The following SDK2 variants were observed in gnomAD, a reference collection of about 807,000 sequenced individuals.
SDK2 encodes the protein protein sidekick-2.
Under a neutral mutation model 253.9 loss-of-function variants are expected in SDK2, and 105 were observed. That is an observed-to-expected ratio of 0.41 (90% confidence interval 0.35 to 0.49). The LOEUF (loss-of-function observed/expected upper bound fraction) is 0.49. Among genes scored for constraint, SDK2 ranks in the 20% least tolerant of loss-of-function variants. The pLI is 0.06. For missense variants in SDK2, 2,608 were observed against 3,003.0 expected (o/e 0.87, Z 3.07); for synonymous variants, 1,249 against 1,234.9 (o/e 1.01, Z -0.24).
intron 2 of SDK2, among the ~76,000 whole-genome samples, chr17:73,480,932 G>T (rs565916906): frequency 6.6e-6 from 1 of 152,202 alleles, no homozygotes; most frequent in Non-Finnish European, 1.5e-5. Context: ...AGCAGTTTCT[G>T]TCCTGTGCTG....
chr17:73,412,034 ACG>A (rs1255729864), intron 18 of SDK2, among the ~76,000 whole-genome samples: 93 of 5,632 alleles, frequency 0.017, no homozygotes, highest in Non-Finnish European at 0.025. Context: ...ATGTATATAT[ACG>A]TATATATATG....
intron 40 of SDK2, 166 bp downstream of exon 40, chr17:73,357,912 GC>G (rs1568364207): frequency 9.6e-7 from 1 of 1,045,790 alleles, no homozygotes; most frequent in Non-Finnish European, 1.5e-6. Context: ...AGCTCTAGGA[GC>G]CCCCCAACCC....
rs2145711376 is a variant in SDK2 at position 73,481,373 on chromosome 17, G to A, written c.225-9155C>T. On this transcript the variant is annotated intron_variant, in intron 2 of 44. Coordinates refer to ENST00000392650, the MANE Select transcript of SDK2 (RefSeq NM_001144952.2). The surrounding 1 kb of genome is among the most constrained non-coding windows in gnomAD (Gnocchi z 4.5). ...GAGGAACCCCTGACTCTGATGTGAT[G>A]GTTAATTTTAGGTGTCAACTTGACT... Among the ~76,000 whole-genome samples the A allele has an allele frequency of 6.6e-6, 1 of 152,312 alleles. No individual in the cohort carries two copies. The highest frequency in any genetic ancestry group is 1.5e-5 in the Non-Finnish European group (1 of 68,022).
intron 37 of SDK2, among the ~76,000 whole-genome samples, chr17:73,368,155 G>A (rs561780515): frequency 2.0e-5 from 3 of 152,274 alleles, no homozygotes; most frequent in Non-Finnish European, 2.9e-5. Context: ...TCTGCAAGGC[G>A]GGGCAAACGG....
Position 73,447,927 on chromosome 17 carries a change from T to G in SDK2, c.480-179A>C, listed in dbSNP as rs1407657412. On this transcript the variant is annotated intron_variant, in intron 4 of 44. Transcript: ENST00000392650. The surrounding 1 kb of genome is among the most constrained non-coding windows in gnomAD (Gnocchi z 4.0). ...TGCCTACATCCCGCCACGTTTAGTT[T>G]GCAGAGAATGCTAAACACGGTGCTG... Among the ~76,000 whole-genome samples the G allele has an allele frequency of 2.0e-5, 3 of 152,108 alleles. No individual in the cohort carries two copies. The highest frequency in any genetic ancestry group is 7.2e-5 in the African/African-American group (3 of 41,408).
intron 1 of SDK2, among the ~76,000 whole-genome samples, chr17:73,558,512 T>C (rs1434910311): frequency 1.3e-5 from 2 of 152,068 alleles, no homozygotes; most frequent in African/African-American, 4.8e-5. Flanking sequence ...TCAAGCACTT[T>C]TTCATGGCAC....
chr17:73,560,159 C>T (rs1249691124), intron 1 of SDK2, among the ~76,000 whole-genome samples: 1 of 152,216 alleles, frequency 6.6e-6, no homozygotes, highest in Non-Finnish European at 1.5e-5. Context: ...TCAGTTTCCT[C>T]ACTAAAAGGA....
intron 3 of SDK2, 94 bp from the exon 4 acceptor site, chr17:73,456,147 A>G: frequency 7.4e-7 from 1 of 1,356,160 alleles, no homozygotes; most frequent in Non-Finnish European, 9.7e-7. Context: ...TATGGACGGA[A>G]AATTCGGGGC....
At chr17:73,547,277 G>C (rs377573603) in intron 1 of SDK2, among the ~76,000 whole-genome samples, 1 of 152,268 alleles carries the variant, frequency 6.6e-6, no homozygotes, top group African/African-American at 2.4e-5. Flanking sequence ...GGGGATGGGA[G>C]AGGGGAGCCT....
chr17:73,559,357 C>G lies in SDK2; in HGVS notation c.65-51760G>C, dbSNP rs995323128. ...GAGTGGCAATGAGGATGAAATGGGACAATGTACGCAAGACTGTTGGCAAGA... is the reference window on the plus strand; with the variant it reads ...GAGTGGCAATGAGGATGAAATGGGAGAATGTACGCAAGACTGTTGGCAAGA... On this transcript the variant is annotated intron_variant, in intron 1 of 44. Coordinates refer to ENST00000392650, the MANE Select transcript of SDK2 (RefSeq NM_001144952.2). Among the ~76,000 whole-genome samples, 5 of 152,120 alleles carry G rather than the reference C, an allele frequency of 3.3e-5. No homozygotes were observed. In the East Asian group the frequency reaches 9.6e-4, roughly 29 times the overall value.
intron 5 of SDK2, among the ~76,000 whole-genome samples, chr17:73,442,542 T>C (rs948599280): frequency 4.6e-5 from 7 of 152,192 alleles, no homozygotes; most frequent in African/African-American, 1.2e-4. Flanking sequence ...GGTTTCACTA[T>C]GTTGGCCAGG....
rs111577935 is a variant in SDK2 at position 73,401,907 on chromosome 17, C to A, written c.2680+39G>T. ...CTGGGGCGCCCAGCCTGGCCTTGGG[C>A]GGGGGGGGGCAGAAAGAGCAGGGCT... On this transcript the variant is annotated intron_variant, in intron 19 of 44. Transcript: ENST00000392650. The A allele has an allele frequency of 4.9e-6, 7 of 1,414,170 alleles. No homozygotes were observed. In the South Asian group the frequency reaches 8.8e-5, roughly 18 times the overall value. 87.6% of individuals were successfully genotyped at this position (1,414,170 alleles called of 1,614,324 possible). A position where few individuals can be genotyped will look rare whatever the true frequency, so the allele number is the denominator to read the frequency against.
intron 1 of SDK2, among the ~76,000 whole-genome samples, chr17:73,593,856 C>T (rs2145903430): frequency 6.6e-6 from 1 of 152,284 alleles, no homozygotes; most frequent in Middle Eastern, 3.4e-3. Flanking sequence ...CCTCCTTGGC[C>T]ATATCTCACT....
At chr17:73,360,747 C>A (rs770908279) in intron 39 of SDK2, among the ~76,000 whole-genome samples, 4 of 151,964 alleles carry the variant, frequency 2.6e-5, no homozygotes, top group Non-Finnish European at 5.9e-5. Flanking sequence ...GAGTTGGAGA[C>A]CAGCCTGGCC....
Position 73,394,403 on chromosome 17 carries a change from G to T in SDK2, c.3593-79C>A, listed in dbSNP as rs906218321. 5.4e-5 allele frequency: 47 copies of T among 871,760 alleles called. No individual in the cohort carries two copies. The African/African-American group carries it at 5.8e-4, about 11-fold the overall frequency. The allele number at this position is 871,760 out of a possible 1,614,324, so 54.0% of individuals were successfully genotyped here. On this transcript the variant is annotated intron_variant, in intron 25 of 44. Transcript: ENST00000392650. ...CAAGGGAAGTGGACCAGGACAGGGG[G>T]CCGAGGGAGGGGCCAGCTCGATGTT... is the stretch of plus-strand genomic sequence containing the variant.
At chr17:73,462,409 G>A (rs983832507) in intron 3 of SDK2, among the ~76,000 whole-genome samples, 1 of 151,052 alleles carries the variant, frequency 6.6e-6, no homozygotes, top group African/African-American at 2.4e-5. Context: ...TATGGTGGAT[G>A]TCCATATATG....
intron 3 of SDK2, among the ~76,000 whole-genome samples, chr17:73,470,720 T>C (rs913223749): frequency 6.6e-6 from 1 of 152,246 alleles, no homozygotes; most frequent in Non-Finnish European, 1.5e-5. Context: ...TTTAGATTTC[T>C]CTCCTGCACT....
chr17:73,513,297 G>A (rs2063995993), intron 1 of SDK2, among the ~76,000 whole-genome samples: 1 of 152,156 alleles, frequency 6.6e-6, no homozygotes, highest in African/African-American at 2.4e-5. Context: ...ATAGAAAAAT[G>A]GGCAAAGGAT....
At chr17:73,445,793 T>A (rs1281677887) in intron 5 of SDK2, among the ~76,000 whole-genome samples, 2 of 152,040 alleles carry the variant, frequency 1.3e-5, no homozygotes, top group African/African-American at 2.4e-5. Context: ...AAAGAGAAAT[T>A]AGCTAAAAAT....
Sources: allele counts gnomAD v4.1 joint callset (sites outside exome capture counted in the v4.1 genomes callset), GRCh38; gene constraint gnomAD v4.1.1; non-coding constraint Gnocchi (gnomAD v3.1); transcripts MANE v1.5; gene names NCBI Gene and HGNC (gene_info 2026-07-23, HGNC 2026-07-21).